Variants in NEURL1 observed in about 807,000 individuals in gnomAD.
NEURL1 encodes the protein E3 ubiquitin-protein ligase NEURL1.
A neutral mutation model predicts 41.2 loss-of-function variants in NEURL1; 26 were observed. The observed-to-expected ratio is 0.63, with a 90% CI of 0.46 to 0.87. NEURL1 has a LOEUF of 0.87. NEURL1 is among the 40% of genes least tolerant of loss of function. NEURL1 has a pLI of 0.00. For synonymous variants in NEURL1, 400 were observed against 402.3 expected (o/e 0.99, Z 0.07); for missense variants, 761 against 871.1 (o/e 0.87, Z 1.59).
At chr10:103,559,319 C>T (rs1229381537) in intron 1 of NEURL1, among the ~76,000 whole-genome samples, 6 of 152,182 alleles carry the variant, frequency 3.9e-5, no homozygotes, top group East Asian at 3.9e-4. Flanking sequence ...GGTGGGCATC[C>T]GGTCACTCTA....
Position 103,584,693 on chromosome 10 carries a change from C to G in NEURL1, c.807C>G (p.Ala269=), listed in dbSNP as rs753816354. The G allele has an allele frequency of 1.9e-5, 27 of 1,442,176 alleles. No homozygotes were observed. In the East Asian group the frequency reaches 8.0e-4, roughly 43 times the overall value. The allele number at this position is 1,442,176 out of a possible 1,614,324, so 89.3% of individuals were successfully genotyped here. The part of the protein sequence containing the change: ...GADGDEAAPA[A]GCPIPQNSLN... ...ACGGCGACGAGGCCGCGCCGGCCGC[C>G]GGCTGCCCCATCCCGCAGAACTCAC... Residue 269 remains alanine, a synonymous_variant, in exon 4 of 6, where the codon GCC becomes GCG. Transcript: ENST00000369780.
intron 1 of NEURL1, among the ~76,000 whole-genome samples, chr10:103,549,517 G>A (rs2034991241): frequency 1.3e-5 from 2 of 152,228 alleles, no homozygotes; most frequent in South Asian, 4.1e-4. Flanking sequence ...GCTTTCAGCT[G>A]GGGTTCCCTG....
At chr10:103,529,067 T>G (rs1177822352) in intron 1 of NEURL1, among the ~76,000 whole-genome samples, 1 of 152,222 alleles carries the variant, frequency 6.6e-6, no homozygotes, top group Non-Finnish European at 1.5e-5. Flanking sequence ...CAAATAAGAC[T>G]AGACTCTAAT....
At chr10:103,498,228 CT>C (rs1342181179) in intron 1 of NEURL1, among the ~76,000 whole-genome samples, 2 of 152,116 alleles carry the variant, frequency 1.3e-5, no homozygotes, top group East Asian at 3.9e-4. Flanking sequence ...GGGCTACCTC[CT>C]TTTATTTTTT....
intron 1 of NEURL1, among the ~76,000 whole-genome samples, chr10:103,559,849 C>A (rs1414351991): frequency 2.1e-5 from 3 of 141,596 alleles, no homozygotes; most frequent in Admixed American, 1.4e-4. Context: ...TATGTGCGCA[C>A]ACACACACAT....
chr10:103,540,298 T>C (rs55833902), intron 1 of NEURL1, among the ~76,000 whole-genome samples: 3 of 151,728 alleles, frequency 2.0e-5, no homozygotes, highest in Non-Finnish European at 4.4e-5. Flanking sequence ...ACTTTTTTTT[T>C]AAATTTTTTG....
chr10:103,557,401 C>G (rs995934082), intron 1 of NEURL1, among the ~76,000 whole-genome samples: 2 of 152,176 alleles, frequency 1.3e-5, no homozygotes, highest in African/African-American at 4.8e-5. Flanking sequence ...TGTCCCATTT[C>G]CCTGGGGGCA....
At chr10:103,521,749 G>A (rs911912903) in intron 1 of NEURL1, among the ~76,000 whole-genome samples, 1 of 152,150 alleles carries the variant, frequency 6.6e-6, no homozygotes, top group Non-Finnish European at 1.5e-5. Context: ...GGGAGAGTAG[G>A]TGGGAGTGAT....
At chr10:103,536,948 C>T (rs958196036) in intron 1 of NEURL1, among the ~76,000 whole-genome samples, 4 of 152,176 alleles carry the variant, frequency 2.6e-5, no homozygotes, top group Non-Finnish European at 5.9e-5. Flanking sequence ...CCCAGGCAAG[C>T]ACCATTCTAC....
In NEURL1 at chr10:103,585,108, G is replaced by A. The variant is rs754330054; in HGVS notation, c.1222G>A (p.Glu408Lys). The change falls in exon 4 of 6, where the codon GAG (glutamate) becomes AAG (lysine). Residue 408 changes from glutamate to lysine, a missense_variant. Glu to Lys is a moderately conservative substitution (Grantham distance 56). This residue lies in a region of NEURL1 where 443 missense variants were observed against 408.1 expected (regional missense o/e 1.09). Coordinates refer to ENST00000369780, the MANE Select transcript of NEURL1 (RefSeq NM_004210.5). ...ILGLVVNADG[E>K]LHLSHNGAAA... ...GGGCCTGGTGGTCAACGCCGACGGCGAGCTGCACCTCAGCCACAATGGCGC... is the reference window on the plus strand; with the variant it reads ...GGGCCTGGTGGTCAACGCCGACGGCAAGCTGCACCTCAGCCACAATGGCGC... 2 of 1,590,314 alleles carry A rather than the reference G, an allele frequency of 1.3e-6. No homozygotes were observed. Among genetic ancestry groups the A allele is most frequent in the Non-Finnish European group, 1.7e-6 (2 of 1,176,146 alleles).
At chr10:103,589,010 A>C in intron 4 of NEURL1, 2 of 429,672 alleles carry the variant, frequency 4.7e-6, no homozygotes, top group Non-Finnish European at 9.1e-6. Context: ...GAGAGAATCT[A>C]TGATCAGAAC....
intron 1 of NEURL1, among the ~76,000 whole-genome samples, chr10:103,534,414 A>G (rs1259454527): frequency 1.3e-5 from 2 of 152,048 alleles, no homozygotes; most frequent in Non-Finnish European, 2.9e-5. Flanking sequence ...TTTTGTAGAG[A>G]AAGGTTTTCA....
intron 3 of NEURL1, among the ~76,000 whole-genome samples, chr10:103,575,400 G>A (rs929056226): frequency 8.5e-5 from 13 of 152,156 alleles, no homozygotes; most frequent in Admixed American, 2.6e-4. Context: ...TCTGATCTTT[G>A]GGGATTTTCT....
chr10:103,568,138 G>A (rs142886717), intron 1 of NEURL1, among the ~76,000 whole-genome samples: 37 of 152,258 alleles, frequency 2.4e-4, no homozygotes, highest in African/African-American at 8.4e-4. Flanking sequence ...ATGCCTGGGT[G>A]CACATGGTGC....
chr10:103,583,420 TA>T (rs931071328), intron 3 of NEURL1, among the ~76,000 whole-genome samples: 3 of 151,796 alleles, frequency 2.0e-5, no homozygotes, highest in Non-Finnish European at 2.9e-5. Flanking sequence ...ATTTTTGCAC[TA>T]AAAAAAGTAA....
chr10:103,506,807 G>C (rs190028172), intron 1 of NEURL1, among the ~76,000 whole-genome samples: 25 of 152,310 alleles, frequency 1.6e-4, no homozygotes, highest in Admixed American at 1.6e-3. Context: ...TGATCTGCCT[G>C]CCTCGGCCTC....
At chr10:103,580,318 T>A (rs1383779783) in intron 3 of NEURL1, among the ~76,000 whole-genome samples, 1 of 152,232 alleles carries the variant, frequency 6.6e-6, no homozygotes, top group Non-Finnish European at 1.5e-5. Context: ...GTTCCCATCA[T>A]AAACACCTCC....
In NEURL1 at chr10:103,498,139, G is replaced by A. The variant is rs192635638; in HGVS notation, c.85+3667G>A. Among the ~76,000 whole-genome samples the A allele has an allele frequency of 3.0e-4, 46 of 152,316 alleles. 1 individual carries two copies. In the East Asian group the frequency reaches 8.3e-3, roughly 27 times the overall value. ...AGTGACTGGGGTAGGGTGCACAGGA[G>A]GTTCATGCCTCTTGGAGAAAAATAC... On this transcript the variant is annotated intron_variant, in intron 1 of 5. Transcript: ENST00000369780.
intron 1 of NEURL1, among the ~76,000 whole-genome samples, chr10:103,498,448 G>A (rs968905597): frequency 1.3e-5 from 2 of 152,126 alleles, no homozygotes; most frequent in African/African-American, 2.4e-5. Context: ...GGATGGTCTC[G>A]ATCTCCTGAC....
Sources: allele counts gnomAD v4.1 joint callset (sites outside exome capture counted in the v4.1 genomes callset), GRCh38; gene constraint gnomAD v4.1.1; regional missense constraint gnomAD v4.1.1; transcripts MANE v1.5; gene names NCBI Gene and HGNC (gene_info 2026-07-23, HGNC 2026-07-21).